The following LGR6 variants were observed in gnomAD, a reference collection of about 807,000 sequenced individuals.
LGR6 encodes leucine-rich repeat-containing G protein-coupled receptor 6.
In LGR6, 45 loss-of-function variants were observed where a neutral mutation model predicts 69.4. The ratio of observed to expected loss-of-function variants is 0.65; its 90% CI spans 0.51 to 0.83. The LOEUF is 0.83. Among genes scored for constraint, LGR6 ranks in the 40% least tolerant of loss-of-function variants. The probability of loss-of-function intolerance (pLI) is 0.00; values close to 1 mark genes in which losing one functional copy is unlikely to be tolerated. For missense variants in LGR6, 1,108 were observed against 1,246.7 expected (o/e 0.89, Z 1.68); for synonymous variants, 538 against 555.0 (o/e 0.97, Z 0.43).
intron 5 of LGR6, among the ~76,000 whole-genome samples, chr1:202,278,546 C>G (rs938339859): frequency 8.5e-5 from 13 of 152,054 alleles, no homozygotes; most frequent in East Asian, 7.7e-4. Flanking sequence ...GAAACATTAC[C>G]CCTTCATCCC....
chr1:202,259,521 A>G (rs534594226), intron 4 of LGR6, among the ~76,000 whole-genome samples: 1 of 152,322 alleles, frequency 6.6e-6, no homozygotes, highest in South Asian at 2.1e-4. Flanking sequence ...CATTTCATCA[A>G]AATCTTTTCC....
At chr1:202,286,102 G>T (rs1321489068) in intron 6 of LGR6, among the ~76,000 whole-genome samples, 1 of 152,200 alleles carries the variant, frequency 6.6e-6, no homozygotes, top group African/African-American at 2.4e-5. Context: ...AACCAAGGAT[G>T]ATCTCATCTT....
chr1:202,223,865 T>A, intron 1 of LGR6, among the ~76,000 whole-genome samples: 1 of 135,696 alleles, frequency 7.4e-6, no homozygotes, highest in African/African-American at 2.6e-5. Context: ...CACCAGCCCC[T>A]CTCCCACCGG....
rs1295278297 is a variant in LGR6, at chr1:202,243,032, G to C, written c.428+7039G>C. Among the ~76,000 whole-genome samples, 4 of 152,192 alleles carry C rather than the reference G, an allele frequency of 2.6e-5. No homozygotes were observed. The South Asian group carries it at 6.2e-4, about 24-fold the overall frequency. On this transcript the variant is annotated intron_variant, in intron 4 of 17. Transcript: ENST00000367278. ...AAACTGAGGCACAGAGCCATAAAGT[G>C]ACTTATAGCAGAGCCTGGGTCAGAA... is the stretch of plus-strand genomic sequence containing the variant.
chr1:202,271,129 A>G (rs1665061720), intron 4 of LGR6, among the ~76,000 whole-genome samples: 1 of 152,176 alleles, frequency 6.6e-6, no homozygotes, highest in Admixed American at 6.5e-5. Flanking sequence ...CTTAATTGGT[A>G]TAATTGCTCT....
At chr1:202,228,945 T>C (rs148271610) in intron 3 of LGR6, among the ~76,000 whole-genome samples, 3 of 152,280 alleles carry the variant, frequency 2.0e-5, no homozygotes, top group African/African-American at 7.2e-5. Context: ...CTTTGTACAG[T>C]TGAGCAGGTT....
intron 17 of LGR6, among the ~76,000 whole-genome samples, chr1:202,317,390 G>A (rs1420110316): frequency 4.0e-5 from 6 of 151,550 alleles, no homozygotes; most frequent in African/African-American, 1.2e-4. Context: ...TGTTGCCCAG[G>A]CTGGAGTGCA....
rs771025632 is a variant in LGR6 at position 202,317,997 on chromosome 1, G to A, written c.1694G>A (p.Arg565His). The A allele has an allele frequency of 4.0e-5, 64 of 1,613,800 alleles. No homozygotes were observed. The highest frequency in any genetic ancestry group is 5.2e-5 in the Non-Finnish European group (61 of 1,179,918). ...TACCTCTTTGAAAGCTGGGGCATCC[G>A]CCTGGCCGTGTGGGCCATCGTGTTG... is the stretch of plus-strand genomic sequence containing the variant. ...CEYLFESWGI[R>H]LAVWAIVLLS... The change falls in exon 18 of 18, where the codon CGC (arginine) becomes CAC (histidine). Residue 565 changes from arginine to histidine, a missense_variant. Transcript: ENST00000367278.
At chr1:202,289,308 C>G (rs538207152) in intron 6 of LGR6, among the ~76,000 whole-genome samples, 1 of 152,190 alleles carries the variant, frequency 6.6e-6, no homozygotes, top group African/African-American at 2.4e-5. Flanking sequence ...TTAGATAGTT[C>G]TAGTACAAAC....
chr1:202,308,954 G>T, intron 14 of LGR6, 97 bp from the exon 15 acceptor site: 2 of 1,451,478 alleles, frequency 1.4e-6, no homozygotes, highest in South Asian at 2.5e-5. Flanking sequence ...CTCTCCTCTT[G>T]CTTCCATCCC....
chr1:202,228,023 C>T lies in LGR6; in HGVS notation c.356+16C>T, dbSNP rs752633230. On this transcript the variant is annotated intron_variant, in intron 3 of 17. Coordinates refer to ENST00000367278, the MANE Select transcript of LGR6 (RefSeq NM_001017403.2). ...TGAAAATCCTGTAAGTATAGGTACA[C>T]CTCATTTTACATAGAGCTGCAGCAC... is the stretch of plus-strand genomic sequence containing the variant. 1 of 1,579,388 alleles carries T rather than the reference C, an allele frequency of 6.3e-7. No individual in the cohort carries two copies. Among genetic ancestry groups the T allele is most frequent in the Non-Finnish European group, 8.7e-7 (1 of 1,148,708 alleles).
intron 4 of LGR6, among the ~76,000 whole-genome samples, chr1:202,237,584 G>C (rs1319272065): frequency 6.6e-6 from 1 of 152,020 alleles, no homozygotes; most frequent in Non-Finnish European, 1.5e-5. Flanking sequence ...TCTTGCTTTC[G>C]GACTAGGCAT....
intron 1 of LGR6, among the ~76,000 whole-genome samples, chr1:202,211,296 T>C (rs1571816548): frequency 6.6e-6 from 1 of 152,198 alleles, no homozygotes; most frequent in African/African-American, 2.4e-5. Context: ...GAATTATTCA[T>C]GAGATGCCAT....
chr1:202,271,164 A>G (rs1665065297), intron 4 of LGR6, among the ~76,000 whole-genome samples: 1 of 152,194 alleles, frequency 6.6e-6, no homozygotes, highest in Non-Finnish European at 1.5e-5. Context: ...GCCAGAGTCC[A>G]TCAGGATTGG....
intron 4 of LGR6, among the ~76,000 whole-genome samples, chr1:202,241,045 A>T (rs1662159254): frequency 6.6e-6 from 1 of 152,226 alleles, no homozygotes; most frequent in Non-Finnish European, 1.5e-5. Context: ...AGAGCTGGTG[A>T]GTGGGCATGG....
intron 4 of LGR6, among the ~76,000 whole-genome samples, chr1:202,265,206 G>A (rs1664547310): frequency 6.6e-6 from 1 of 152,080 alleles, no homozygotes; most frequent in South Asian, 2.1e-4. Flanking sequence ...GCAGGGAAGT[G>A]GAGTTCTCAC....
chr1:202,281,558 C>T (rs758213043), intron 6 of LGR6, among the ~76,000 whole-genome samples: 3 of 152,126 alleles, frequency 2.0e-5, no homozygotes, highest in Non-Finnish European at 4.4e-5. Context: ...GCTGGGCTCT[C>T]CAAGTGTGGC....
chr1:202,244,124 AT>A, intron 4 of LGR6, among the ~76,000 whole-genome samples: 1 of 151,594 alleles, frequency 6.6e-6, no homozygotes, highest in Middle Eastern at 3.4e-3. Context: ...TGCCCAGCTA[AT>A]TTTTTGTATT....
chr1:202,293,434 C>T (rs565017486), intron 6 of LGR6, among the ~76,000 whole-genome samples: 1 of 152,254 alleles, frequency 6.6e-6, no homozygotes. Flanking sequence ...CCTGATGCTT[C>T]GTGTGCTCTC....
Sources: allele counts gnomAD v4.1 joint callset (sites outside exome capture counted in the v4.1 genomes callset), GRCh38; gene constraint gnomAD v4.1.1; transcripts MANE v1.5; gene names NCBI Gene and HGNC (gene_info 2026-07-23, HGNC 2026-07-21).